The following MACROD2 variants were observed in gnomAD, a reference collection of about 807,000 sequenced individuals.
The protein encoded by MACROD2 is mono-ADP ribosylhydrolase 2.
A neutral mutation model predicts 70.4 loss-of-function variants in MACROD2; 36 were observed. The ratio of observed to expected loss-of-function variants is 0.51; its 90% CI spans 0.39 to 0.68. MACROD2 has a LOEUF of 0.68. Among genes scored for constraint, MACROD2 ranks in the 30% least tolerant of loss-of-function variants. MACROD2 has a pLI of 0.00. For missense variants in MACROD2, 496 were observed against 538.4 expected (o/e 0.92, Z 0.78); for synonymous variants, 172 against 178.8 (o/e 0.96, Z 0.30).
At chr20:14,075,366 T>A (rs2053904250) in intron 2 of MACROD2, among the ~76,000 whole-genome samples, 1 of 152,200 alleles carries the variant, frequency 6.6e-6, no homozygotes, top group South Asian at 2.1e-4. Context: ...AAATGTGTTC[T>A]GACTGACAAC....
At position 14,572,342 on chromosome 20, in the gene MACROD2, T is replaced by A. The variant is rs534477537; in HGVS notation, c.301+78834T>A. Among the ~76,000 whole-genome samples the A allele has an allele frequency of 2.0e-5, 3 of 152,208 alleles. 1 individual carries two copies. The South Asian group carries it at 6.2e-4, about 32-fold the overall frequency. ...AAATATTGCTGATGAGAAAGTAAATTAGTGTAACCACTTTGGAAAACTGAC... is the reference window on the plus strand; with the variant it reads ...AAATATTGCTGATGAGAAAGTAAATAAGTGTAACCACTTTGGAAAACTGAC... On this transcript the variant is annotated intron_variant, in intron 4 of 17. Transcript: ENST00000684519.
intron 5 of MACROD2, among the ~76,000 whole-genome samples, chr20:15,057,731 A>G (rs1050326691): frequency 6.6e-5 from 10 of 152,280 alleles, no homozygotes; most frequent in Middle Eastern, 3.4e-3. Flanking sequence ...GTGTCCCATT[A>G]ACTGCCATTC....
intron 10 of MACROD2, among the ~76,000 whole-genome samples, chr20:15,913,713 T>C (rs1216798898): frequency 1.3e-5 from 2 of 152,218 alleles, no homozygotes; most frequent in African/African-American, 2.4e-5. Context: ...GGGTAATATA[T>C]TTCTACTATA....
intron 3 of MACROD2, among the ~76,000 whole-genome samples, chr20:14,364,364 T>C (rs1241547464): frequency 6.6e-6 from 1 of 152,188 alleles, no homozygotes; most frequent in Admixed American, 6.5e-5. Flanking sequence ...TATAGGATCT[T>C]ACAAAGGTTT....
intron 6 of MACROD2, among the ~76,000 whole-genome samples, chr20:15,363,864 T>G (rs1442445010): frequency 2.0e-5 from 3 of 152,286 alleles, no homozygotes; most frequent in Admixed American, 6.5e-5. Context: ...AATGAATCTG[T>G]GGGGGGCTAG....
chr20:15,024,719 A>G (rs185276100), intron 5 of MACROD2, among the ~76,000 whole-genome samples: 26 of 152,306 alleles, frequency 1.7e-4, no homozygotes, highest in South Asian at 6.2e-4. Flanking sequence ...TGTGGTTACT[A>G]TAGATTACCA....
intron 8 of MACROD2, among the ~76,000 whole-genome samples, chr20:15,514,341 T>A (rs1018461742): frequency 6.6e-6 from 1 of 152,224 alleles, no homozygotes; most frequent in South Asian, 2.1e-4. Context: ...TCATGGTGGA[T>A]GCCGTATGTA....
At chr20:15,476,575 C>CG (rs1555826243) in intron 7 of MACROD2, among the ~76,000 whole-genome samples, 1 of 151,970 alleles carries the variant, frequency 6.6e-6, no homozygotes, top group African/African-American at 2.4e-5. Flanking sequence ...GTTTTGCCCC[C>CG]CCCCGGTAAG....
chr20:14,575,590 G>A (rs1980543739), intron 4 of MACROD2, among the ~76,000 whole-genome samples: 1 of 152,182 alleles, frequency 6.6e-6, no homozygotes, highest in South Asian at 2.1e-4. Flanking sequence ...TTGTTACACT[G>A]CATTCGATCA....
At chr20:14,800,756 G>A (rs1341457536) in intron 5 of MACROD2, among the ~76,000 whole-genome samples, 6 of 152,082 alleles carry the variant, frequency 3.9e-5, no homozygotes, top group Non-Finnish European at 8.8e-5. Flanking sequence ...TTCATCCGGA[G>A]GTTAGTCGTA....
At chr20:14,558,648 T>A (rs1979216597) in intron 4 of MACROD2, among the ~76,000 whole-genome samples, 1 of 151,742 alleles carries the variant, frequency 6.6e-6, no homozygotes, top group Non-Finnish European at 1.5e-5. Flanking sequence ...CTATTGCAAA[T>A]GTGTGCACAT....
At position 14,891,679 on chromosome 20, in the gene MACROD2, T is replaced by C. The variant is rs141315154; in HGVS notation, c.418+206720T>C. Among the ~76,000 whole-genome samples, 39 of 152,312 alleles carry C rather than the reference T, an allele frequency of 2.6e-4. No homozygotes were observed. In the East Asian group the frequency reaches 7.1e-3, roughly 28 times the overall value. On this transcript the variant is annotated intron_variant, in intron 5 of 17. Transcript: ENST00000684519. ...TAGAAAACAGAGGGAACAGTGCTAATACTGCTAGAACTTGTAGGCTTTGAA... is the reference window on the plus strand; with the variant it reads ...TAGAAAACAGAGGGAACAGTGCTAACACTGCTAGAACTTGTAGGCTTTGAA...
At chr20:15,224,946 C>T (rs922188623) in intron 5 of MACROD2, among the ~76,000 whole-genome samples, 2 of 142,828 alleles carry the variant, frequency 1.4e-5, no homozygotes, top group South Asian at 2.2e-4. Flanking sequence ...GGCAACAGAG[C>T]GAGACTTTGT....
chr20:14,341,660 A>G (rs2083014215), intron 3 of MACROD2, among the ~76,000 whole-genome samples: 1 of 152,198 alleles, frequency 6.6e-6, no homozygotes, highest in African/African-American at 2.4e-5. Context: ...AAAAGAAAAA[A>G]TAGTTCATAC....
rs373375691 is a variant in MACROD2 at position 14,274,310 on chromosome 20, C to T, written c.271+188582C>T. Among the ~76,000 whole-genome samples, 34 of 152,288 alleles carry T rather than the reference C, an allele frequency of 2.2e-4. No homozygotes were observed. In the East Asian group the frequency reaches 2.7e-3, roughly 12 times the overall value. On this transcript the variant is annotated intron_variant, in intron 3 of 17. Coordinates refer to ENST00000684519, the MANE Select transcript of MACROD2 (RefSeq NM_001351661.2). ...AGCTTATCCACCATGATCAAGTGGG[C>T]TTCATCCCTGGGATGCAAGGCTGGT... is the stretch of plus-strand genomic sequence containing the variant.
intron 8 of MACROD2, among the ~76,000 whole-genome samples, chr20:15,558,232 C>G (rs1273348025): frequency 6.6e-6 from 1 of 152,196 alleles, no homozygotes; most frequent in Non-Finnish European, 1.5e-5. Context: ...CCACTAAAGA[C>G]CTCAGTGGCC....
chr20:14,954,071 T>G (rs1021243128), intron 5 of MACROD2, among the ~76,000 whole-genome samples: 2 of 152,148 alleles, frequency 1.3e-5, no homozygotes, highest in Admixed American at 1.3e-4. Flanking sequence ...AAATAGATTT[T>G]TTTTTCTTTG....
chr20:14,776,587 T>A (rs1258557888), intron 5 of MACROD2, among the ~76,000 whole-genome samples: 1 of 152,132 alleles, frequency 6.6e-6, no homozygotes, highest in Non-Finnish European at 1.5e-5. Context: ...TGTGATCTAA[T>A]GACATGATGA....
chr20:15,904,641 C>T (rs1240616168), intron 10 of MACROD2, among the ~76,000 whole-genome samples: 1 of 151,764 alleles, frequency 6.6e-6, no homozygotes, highest in Non-Finnish European at 1.5e-5. Flanking sequence ...GCCTGTAATC[C>T]CAGCACTTTG....
Sources: allele counts gnomAD v4.1 joint callset (sites outside exome capture counted in the v4.1 genomes callset), GRCh38; gene constraint gnomAD v4.1.1; transcripts MANE v1.5; gene names NCBI Gene and HGNC (gene_info 2026-07-23, HGNC 2026-07-21).